The following SMCO2 variants were observed in gnomAD, a reference collection of about 807,000 sequenced individuals.
The protein encoded by SMCO2 is single-pass membrane and coiled-coil domain-containing protein 2.
A neutral mutation model predicts 29.5 loss-of-function variants in SMCO2; 25 were observed. The ratio of observed to expected loss-of-function variants is 0.85; its 90% CI spans 0.62 to 1.18. SMCO2 has a LOEUF of 1.18. SMCO2 is among the 50% of genes most tolerant of loss of function. The pLI is 0.00. For missense variants in SMCO2, 348 were observed against 344.5 expected, an observed-to-expected ratio of 1.01 and a Z score of -0.08; for synonymous variants, 117 against 123.3, an observed-to-expected ratio of 0.95 and a Z score of 0.34.
intron 4 of SMCO2, among the ~76,000 whole-genome samples, chr12:27,479,922 A>G (rs1949626814): frequency 6.6e-6 from 1 of 152,178 alleles, no homozygotes; most frequent in Non-Finnish European, 1.5e-5. Context: ...ACTAATACAC[A>G]TGGTGAAGTC....
At chr12:27,477,138 C>A (rs912720636) in intron 4 of SMCO2, among the ~76,000 whole-genome samples, 2 of 147,830 alleles carry the variant, frequency 1.4e-5, no homozygotes, top group African/African-American at 2.5e-5. Flanking sequence ...TTTTCCTGGT[C>A]TGGGAACAAC....
chr12:27,435,077 C>T, the SMCO2 span, among the ~76,000 whole-genome samples: 1 of 151,988 alleles, frequency 6.6e-6, no homozygotes, highest in African/African-American at 2.4e-5. Context: ...GGTAATGTTC[C>T]CATTTTGAAG....
chr12:27,460,703 CT>C, the SMCO2 span, among the ~76,000 whole-genome samples: 1 of 152,032 alleles, frequency 6.6e-6, no homozygotes, highest in Admixed American at 6.6e-5. Context: ...TTCAAAAACC[CT>C]CATATAAGTG....
At chr12:27,465,379 C>T (rs556341534), upstream of SMCO2, among the ~76,000 whole-genome samples, 2 of 152,218 alleles carry the variant, frequency 1.3e-5, no homozygotes, top group African/African-American at 4.8e-5. Flanking sequence ...TATGAGGTCA[C>T]CCAGGACAAC....
chr12:27,456,389 G>A, the SMCO2 span, among the ~76,000 whole-genome samples: 1 of 152,148 alleles, frequency 6.6e-6, no homozygotes, highest in Non-Finnish European at 1.5e-5. Flanking sequence ...CATTTTTAAA[G>A]TCTGTATATT....
the SMCO2 span, among the ~76,000 whole-genome samples, chr12:27,440,858 G>A: frequency 1.3e-5 from 2 of 152,048 alleles, no homozygotes; most frequent in African/African-American, 4.8e-5. Flanking sequence ...ACCACAAAGC[G>A]AGAGAGGAGT....
chr12:27,427,878 C>T, the SMCO2 span, among the ~76,000 whole-genome samples: 2 of 152,072 alleles, frequency 1.3e-5, no homozygotes, highest in Non-Finnish European at 2.9e-5. Context: ...TCAGCCATCC[C>T]CAGAGTTTGA....
intron 5 of SMCO2, among the ~76,000 whole-genome samples, chr12:27,493,258 A>C (rs1330737729): frequency 6.6e-6 from 1 of 152,160 alleles, no homozygotes; most frequent in Non-Finnish European, 1.5e-5. Context: ...TGATGAAATA[A>C]TCTGTACAGC....
the SMCO2 span, among the ~76,000 whole-genome samples, chr12:27,432,815 A>G: frequency 5.3e-5 from 8 of 152,236 alleles, no homozygotes; most frequent in Non-Finnish European, 1.2e-4. Context: ...AAAAACAGTC[A>G]TAGCTGCAGA....
At position 27,478,447 on chromosome 12, in the gene SMCO2, A is replaced by T. The variant is rs415192; in HGVS notation, c.362+3534A>T. Among the ~76,000 whole-genome samples the T allele has an allele frequency of 2.4e-4, 36 of 152,164 alleles. No homozygotes were observed. The East Asian group carries it at 4.8e-3, about 20-fold the overall frequency. On this transcript the variant is annotated intron_variant, in intron 4 of 7. Coordinates refer to ENST00000298876, the Ensembl canonical transcript of SMCO2. ...GCAGCAGTGGCTGAGAAGGTGGGTC[A>T]TCATGTCCCTGGGCACTGTGTGTGG...
At chr12:27,486,882 C>CA (rs1309158675) in intron 4 of SMCO2, among the ~76,000 whole-genome samples, 2 of 152,122 alleles carry the variant, frequency 1.3e-5, no homozygotes, top group African/African-American at 4.8e-5. Context: ...TTTTCTTTTG[C>CA]AACCCTCTTT....
the SMCO2 span, among the ~76,000 whole-genome samples, chr12:27,458,598 A>C: frequency 6.5e-4 from 99 of 152,340 alleles, no homozygotes; most frequent in Middle Eastern, 0.027. Flanking sequence ...CTATATAAAA[A>C]TTCCCGGCCT....
chr12:27,430,628 A>G, the SMCO2 span, among the ~76,000 whole-genome samples: 1 of 152,186 alleles, frequency 6.6e-6, no homozygotes, highest in Admixed American at 6.5e-5. Context: ...CCAATGCTAC[A>G]ATCTGAATTC....
intron 4 of SMCO2, among the ~76,000 whole-genome samples, chr12:27,487,454 GT>G (rs1949698263): frequency 1.3e-5 from 2 of 152,224 alleles, no homozygotes; most frequent in South Asian, 2.1e-4. Flanking sequence ...CCTATGCAGT[GT>G]GTTTAACCAT....
chr12:27,482,820 A>G (rs1949656709), intron 4 of SMCO2, among the ~76,000 whole-genome samples: 1 of 152,164 alleles, frequency 6.6e-6, no homozygotes, highest in Non-Finnish European at 1.5e-5. Context: ...TCAACCTCCC[A>G]GGCTCAAGCA....
chr12:27,488,810 G>A (rs907334928), intron 5 of SMCO2, among the ~76,000 whole-genome samples: 3 of 152,120 alleles, frequency 2.0e-5, no homozygotes, highest in African/African-American at 7.2e-5. Context: ...AGTACCTTAA[G>A]GGAGAATTGG....
intron 1 of SMCO2, among the ~76,000 whole-genome samples, chr12:27,468,230 G>A (rs546601358): frequency 1.6e-4 from 25 of 152,158 alleles, no homozygotes; most frequent in Non-Finnish European, 3.4e-4. Flanking sequence ...CTGATGGATC[G>A]TAGCAAACAC....
At chr12:27,432,341 C>T in the SMCO2 span, among the ~76,000 whole-genome samples, 10 of 152,026 alleles carry the variant, frequency 6.6e-5, no homozygotes, top group Non-Finnish European at 1.5e-5. Flanking sequence ...TGCTGAAGCA[C>T]GTGTCGTACT....
At chr12:27,474,967 T>C (rs1375648751) in intron 4 of SMCO2, 54 bp downstream of exon 4, 9 of 1,528,040 alleles carry the variant, frequency 5.9e-6, no homozygotes, top group South Asian at 1.2e-5. Context: ...GAGGGGAAAA[T>C]AGAATTTAAG....
Sources: gnomAD v4.1 joint callset for allele counts (sites outside exome capture counted in the v4.1 genomes callset) on GRCh38, gnomAD v4.1.1 for gene constraint, MANE v1.5 for transcripts, NCBI Gene and HGNC (gene_info 2026-07-23, HGNC 2026-07-21) for gene names.